Variants in GNA14 observed in about 807,000 individuals in gnomAD.
GNA14 encodes guanine nucleotide-binding protein subunit alpha-14.
A neutral mutation model predicts 42.0 loss-of-function variants in GNA14; 50 were observed. That is an observed-to-expected ratio of 1.19 (90% CI 0.95 to 1.51). GNA14 has a LOEUF of 1.51. GNA14 is among the 40% of genes most tolerant of loss of function. GNA14 has a pLI of 0.00. For missense variants in GNA14, 473 were observed against 446.2 expected, an observed-to-expected ratio of 1.06 and a Z score of -0.54; for synonymous variants, 173 against 163.1, an observed-to-expected ratio of 1.06 and a Z score of -0.46.
chr9:77,505,735 G>A (rs1171623600), intron 2 of GNA14, among the ~76,000 whole-genome samples: 2 of 152,198 alleles, frequency 1.3e-5, no homozygotes, highest in East Asian at 1.9e-4. Context: ...TACAGCTGTA[G>A]CAAGGCACCA....
chr9:77,576,255 T>G (rs2131799021), intron 1 of GNA14, among the ~76,000 whole-genome samples: 1 of 152,224 alleles, frequency 6.6e-6, no homozygotes, highest in African/African-American at 2.4e-5. Flanking sequence ...AATTTGCTGT[T>G]TGTCCAGTGA....
At chr9:77,631,022 G>A (rs1365838905) in intron 1 of GNA14, among the ~76,000 whole-genome samples, 1 of 152,160 alleles carries the variant, frequency 6.6e-6, no homozygotes, top group South Asian at 2.1e-4. Context: ...AAGAGGCTAA[G>A]AGCAAAACAG....
chr9:77,522,058 A>T (rs1837365985), intron 2 of GNA14, among the ~76,000 whole-genome samples: 3 of 152,180 alleles, frequency 2.0e-5, no homozygotes, highest in Non-Finnish European at 4.4e-5. Flanking sequence ...GCTGGTCTCG[A>T]ATTCCTGACC....
chr9:77,628,542 A>G (rs111942761), intron 1 of GNA14, among the ~76,000 whole-genome samples: 1 of 152,220 alleles, frequency 6.6e-6, no homozygotes, highest in Non-Finnish European at 1.5e-5. Flanking sequence ...AAACAGATAT[A>G]TAGATCAATG....
chr9:77,457,092 AACACTT>A (rs1232575404), intron 2 of GNA14, among the ~76,000 whole-genome samples: 1 of 152,234 alleles, frequency 6.6e-6, no homozygotes, highest in Non-Finnish European at 1.5e-5. Context: ...CTTTATACCT[AACACTT>A]ACAAAGTTTC....
intron 1 of GNA14, among the ~76,000 whole-genome samples, chr9:77,646,811 G>C (rs928279619): frequency 6.6e-6 from 1 of 152,228 alleles, no homozygotes; most frequent in Non-Finnish European, 1.5e-5. Context: ...TGGGATCCTT[G>C]CCTCATGGCA....
intron 2 of GNA14, among the ~76,000 whole-genome samples, chr9:77,485,831 T>A (rs1385667855): frequency 3.3e-5 from 5 of 152,190 alleles, no homozygotes; most frequent in Non-Finnish European, 7.3e-5. Context: ...ACAGTAGGCT[T>A]AAAATATTCA....
rs73462012 is a variant in GNA14 at position 77,575,572 on chromosome 9, C to T, written c.125-46319G>A. 9.7e-3 allele frequency among the ~76,000 whole-genome samples: 1,481 copies of T among 152,240 alleles called. 20 individuals carry two copies. The highest frequency in any genetic ancestry group is 0.033 in the African/African-American group (1,384 of 41,540). Reference sequence around the variant, plus strand: ...AAGATTTTTTTTAAACTACTGATATCGGTCTCCTATTTCAGGCCAATTGAG... The same window carrying T: ...AAGATTTTTTTTAAACTACTGATATTGGTCTCCTATTTCAGGCCAATTGAG... On this transcript the variant is annotated intron_variant, in intron 1 of 6. Transcript: ENST00000341700.
At chr9:77,613,964 G>A (rs754131865) in intron 1 of GNA14, among the ~76,000 whole-genome samples, 1 of 152,196 alleles carries the variant, frequency 6.6e-6, no homozygotes, top group Non-Finnish European at 1.5e-5. Flanking sequence ...TAGTCAGAGT[G>A]GCAGAGAGGT....
chr9:77,546,937 A>G (rs1837726708), intron 1 of GNA14, among the ~76,000 whole-genome samples: 1 of 152,214 alleles, frequency 6.6e-6, no homozygotes, highest in Admixed American at 6.5e-5. Flanking sequence ...AATTATCGAT[A>G]GCATCCTTTG....
intron 1 of GNA14, among the ~76,000 whole-genome samples, chr9:77,580,825 G>A (rs1398273657): frequency 1.3e-5 from 2 of 152,204 alleles, no homozygotes; most frequent in Non-Finnish European, 2.9e-5. Flanking sequence ...AGAGAAGTCT[G>A]TATTGTACCA....
intron 2 of GNA14, among the ~76,000 whole-genome samples, chr9:77,510,764 C>T (rs1837152228): frequency 6.6e-6 from 1 of 152,162 alleles, no homozygotes; most frequent in Non-Finnish European, 1.5e-5. Flanking sequence ...TATCAGGCCC[C>T]TAGGATATAA....
At chr9:77,527,490 T>C (rs12001255) in intron 2 of GNA14, among the ~76,000 whole-genome samples, 2,062 of 152,270 alleles carry the variant, frequency 0.014, 61 homozygotes, top group African/African-American at 0.046. Context: ...ATGAGATTTT[T>C]TGCAATTTTT....
At chr9:77,641,328 T>C (rs1303177789) in intron 1 of GNA14, among the ~76,000 whole-genome samples, 1 of 150,916 alleles carries the variant, frequency 6.6e-6, no homozygotes, top group Non-Finnish European at 1.5e-5. Flanking sequence ...AGAAGCAGGG[T>C]ATTTACTAGC....
intron 1 of GNA14, among the ~76,000 whole-genome samples, chr9:77,641,104 GGAAGGAAGGAAGGAAGGAAGGAA>G (rs1824258248): frequency 4.8e-4 from 1 of 2,076 alleles, no homozygotes; most frequent in African/African-American, 1.5e-3. Context: ...GGGGGGGGAA[GGAAGGAAGGAAGGAAGGAAGGAA>G]GGAAGGAAGG....
At chr9:77,615,594 TCC>T (rs1823798653) in intron 1 of GNA14, among the ~76,000 whole-genome samples, 3 of 151,834 alleles carry the variant, frequency 2.0e-5, no homozygotes, top group Non-Finnish European at 4.4e-5. Flanking sequence ...CTCACACTCC[TCC>T]CCACCCAAGA....
chr9:77,448,939 A>C (rs1194729360), intron 2 of GNA14, among the ~76,000 whole-genome samples: 2 of 152,190 alleles, frequency 1.3e-5, no homozygotes, highest in African/African-American at 4.8e-5. Flanking sequence ...CCCAGAAATA[A>C]TTTAGATTGT....
chr9:77,618,062 T>C (rs1370302153), intron 1 of GNA14, among the ~76,000 whole-genome samples: 1 of 152,024 alleles, frequency 6.6e-6, no homozygotes, highest in Non-Finnish European at 1.5e-5. Flanking sequence ...AGGGCCTTTG[T>C]TCTCTTCTAA....
intron 1 of GNA14, among the ~76,000 whole-genome samples, chr9:77,621,653 C>A (rs1051728835): frequency 3.9e-5 from 6 of 152,168 alleles, no homozygotes; most frequent in African/African-American, 1.4e-4. Flanking sequence ...TACCCTAAAC[C>A]AATGGCAATT....
Sources: allele counts gnomAD v4.1 joint callset (sites outside exome capture counted in the v4.1 genomes callset), GRCh38; gene constraint gnomAD v4.1.1; transcripts MANE v1.5; gene names NCBI Gene and HGNC (gene_info 2026-07-23, HGNC 2026-07-21).